Variants in MTRES1 observed in about 807,000 individuals in gnomAD.
MTRES1 encodes mitochondrial transcription rescue factor 1.
Under a neutral mutation model 17.4 loss-of-function variants are expected in MTRES1, and 11 were observed. The observed-to-expected ratio is 0.63, with a 90% CI of 0.40 to 1.05. The LOEUF (loss-of-function observed/expected upper bound fraction) is 1.05. MTRES1 is among the 50% of genes least tolerant of loss of function. The pLI, the probability that MTRES1 is intolerant of heterozygous loss-of-function variation, is 0.00. For missense variants in MTRES1, 268 were observed against 276.2 expected (o/e 0.97, Z 0.21); for synonymous variants, 94 against 99.6 (o/e 0.94, Z 0.34).
intron 3 of MTRES1, among the ~76,000 whole-genome samples, 162 bp from the exon 4 acceptor site, chr6:107,050,895 G>A (rs936109115): frequency 6.6e-6 from 1 of 152,038 alleles, no homozygotes; most frequent in Non-Finnish European, 1.5e-5. Context: ...TCCCTTTCAC[G>A]CTGAGGCACT....
At position 107,033,757 on chromosome 6, in the gene MTRES1, G is replaced by A. The variant is rs544392773; in HGVS notation, c.-13+5486G>A. Among the ~76,000 whole-genome samples, 89 of 152,236 alleles carry A rather than the reference G, an allele frequency of 5.8e-4. 1 individual carries two copies. The highest frequency in any genetic ancestry group is 2.0e-3 in the African/African-American group (83 of 41,548). ...GGCAGGAACCTGGGAGGCAGAGCTT[G>A]CAGTGAGCTGAGATTGTACCAATGC... On this transcript the variant is annotated intron_variant, in intron 1 of 3. Transcript: ENST00000311381.
chr6:107,031,871 G>T (rs1773856611), intron 1 of MTRES1, among the ~76,000 whole-genome samples: 1 of 152,136 alleles, frequency 6.6e-6, no homozygotes, highest in South Asian at 2.1e-4. Flanking sequence ...AAAGTGCTGG[G>T]ATTACAGGCA....
At chr6:107,030,189 G>C in intron 1 of MTRES1, 2 of 718,268 alleles carry the variant, frequency 2.8e-6, no homozygotes, top group Non-Finnish European at 5.2e-6. Flanking sequence ...AGGTTGGAGA[G>C]GAAATGGGGG....
chr6:107,043,695 C>CTT (rs1259945716), intron 2 of MTRES1, among the ~76,000 whole-genome samples: 13 of 152,152 alleles, frequency 8.5e-5, no homozygotes, highest in African/African-American at 1.2e-4. Flanking sequence ...AGGCGTTGGA[C>CTT]TTGCTGTCTC....
At chr6:107,045,356 C>T (rs1455791867) in intron 3 of MTRES1, among the ~76,000 whole-genome samples, 8 of 151,596 alleles carry the variant, frequency 5.3e-5, no homozygotes, top group East Asian at 2.0e-4. Context: ...TGGTGGTGGG[C>T]GCCTGTAGTC....
chr6:107,031,970 C>T (rs1009203660), intron 1 of MTRES1, among the ~76,000 whole-genome samples: 1 of 152,184 alleles, frequency 6.6e-6, no homozygotes, highest in South Asian at 2.1e-4. Context: ...GGTGTCTTGG[C>T]GACCAAGTGA....
At position 107,047,212 on chromosome 6, in the gene MTRES1, T is replaced by TA. The variant is rs545127082; in HGVS notation, c.543+2880_543+2881insA. Among the ~76,000 whole-genome samples the TA allele has an allele frequency of 6.6e-5, 10 of 152,126 alleles. No individual in the cohort carries two copies. In the East Asian group the frequency reaches 1.4e-3, roughly 21 times the overall value. On this transcript the variant is annotated intron_variant, in intron 3 of 3. Transcript: ENST00000311381. ...CAGAGTATCCTTTTCTTTGTATATTTTTTTTTTCTTTTTCTTTATTTTATT... is the reference window on the plus strand; with the variant it reads ...CAGAGTATCCTTTTCTTTGTATATTTATTTTTTTCTTTTTCTTTATTTTATT...
intron 3 of MTRES1, among the ~76,000 whole-genome samples, chr6:107,048,272 T>A (rs1458538524): frequency 6.6e-6 from 1 of 151,812 alleles, no homozygotes; most frequent in Non-Finnish European, 1.5e-5. Flanking sequence ...GTACCTGGGA[T>A]TACAGGCACC....
intron 3 of MTRES1, among the ~76,000 whole-genome samples, chr6:107,050,845 G>A (rs1774578332): frequency 6.6e-6 from 1 of 152,050 alleles, no homozygotes; most frequent in African/African-American, 2.4e-5. Flanking sequence ...CCAAAGTGCT[G>A]GGATTACAGG....
intron 2 of MTRES1, chr6:107,040,992 C>T (rs934207570): frequency 3.3e-5 from 5 of 150,998 alleles, no homozygotes; most frequent in East Asian, 2.0e-4. Flanking sequence ...TTTGGGAGGC[C>T]AAGGCGGGCG....
chr6:107,050,825 G>A (rs1220263423), intron 3 of MTRES1, among the ~76,000 whole-genome samples: 3 of 151,964 alleles, frequency 2.0e-5, no homozygotes, highest in African/African-American at 7.3e-5. Flanking sequence ...GATCCACCGA[G>A]CTTGGCCTCC....
At position 107,040,164 on chromosome 6, in the gene MTRES1, T is replaced by C; in HGVS notation, c.404T>C (p.Leu135Pro). Residue 135 changes from leucine to proline, a missense_variant, in exon 2 of 4, where the codon CTG (leucine) becomes CCG (proline). Physicochemically the swap from Leu to Pro is moderately conservative, Grantham distance 98. Coordinates refer to ENST00000311381, the MANE Select transcript of MTRES1 (RefSeq NM_016487.5). ...ACTGTAGTCAAAAACTATAAAGACC[T>C]GGAAAAAGCAGTTCAGTCTTTTCGG... The part of the protein sequence containing the change: ...DPTVVKNYKD[L>P]EKAVQSFRYD... 1.2e-6 allele frequency: 2 copies of C among 1,611,548 alleles called. No individual in the cohort carries two copies. The highest frequency in any genetic ancestry group is 1.7e-6 in the Non-Finnish European group (2 of 1,179,510).
intron 1 of MTRES1, among the ~76,000 whole-genome samples, chr6:107,036,808 C>A (rs1582599149): frequency 6.6e-6 from 1 of 150,916 alleles, no homozygotes; most frequent in East Asian, 2.0e-4. Flanking sequence ...TGAGATCGCG[C>A]CACTGTACTC....
At chr6:107,046,476 C>A (rs1258355683) in intron 3 of MTRES1, among the ~76,000 whole-genome samples, 15 of 152,174 alleles carry the variant, frequency 9.9e-5, no homozygotes, top group African/African-American at 3.6e-4. Context: ...TAACGCTCAG[C>A]TGTCTTGTTA....
Position 107,042,390 on chromosome 6 carries a change from A to T in MTRES1, c.471-1870A>T, listed in dbSNP as rs949831580. ...AAAAATGAGCCAGCCCACAGGCCCCACCCTTGGCATTCTGATCAGGGTGCC... is the reference window on the plus strand; with the variant it reads ...AAAAATGAGCCAGCCCACAGGCCCCTCCCTTGGCATTCTGATCAGGGTGCC... On this transcript the variant is annotated intron_variant, in intron 2 of 3. Coordinates refer to ENST00000311381, the MANE Select transcript of MTRES1 (RefSeq NM_016487.5). Among the ~76,000 whole-genome samples the T allele has an allele frequency of 2.8e-5, 4 of 145,184 alleles. No individual in the cohort carries two copies. In the South Asian group the frequency reaches 8.6e-4, roughly 31 times the overall value.
chr6:107,032,726 GCATCCTTGAATGCTCATCCTCATT>G (rs1381160765), intron 1 of MTRES1, among the ~76,000 whole-genome samples: 28 of 152,208 alleles, frequency 1.8e-4, no homozygotes, highest in African/African-American at 6.5e-4. Context: ...AAATGCCTGA[GCATCCTTGAATGCTCATCCTCATT>G]CATCCTTGAA....
At chr6:107,040,402 G>T (rs1774161971) in intron 2 of MTRES1, 172 bp downstream of exon 2, 1 of 485,820 alleles carries the variant, frequency 2.1e-6, no homozygotes, top group African/African-American at 2.0e-5. Flanking sequence ...GATTTCCAAA[G>T]AAGTCAAGTG....
At chr6:107,030,495 A>G (rs1483017540) in intron 1 of MTRES1, among the ~76,000 whole-genome samples, 1 of 152,210 alleles carries the variant, frequency 6.6e-6, no homozygotes, top group Non-Finnish European at 1.5e-5. Context: ...CACAGTCTGG[A>G]GGAAACCCGG....
intron 3 of MTRES1, among the ~76,000 whole-genome samples, chr6:107,049,703 G>A (rs575838937): frequency 7.9e-4 from 114 of 143,682 alleles, no homozygotes; most frequent in Admixed American, 4.4e-3. Context: ...TTGAGCCACC[G>A]TGCCCAGCCG....
Sources: allele counts gnomAD v4.1 joint callset (sites outside exome capture counted in the v4.1 genomes callset), GRCh38; gene constraint gnomAD v4.1.1; transcripts MANE v1.5; gene names NCBI Gene and HGNC (gene_info 2026-07-23, HGNC 2026-07-21).